The following FOXK1 variants were observed in gnomAD, a reference collection of about 807,000 sequenced individuals.
FOXK1 encodes the protein forkhead box K1.
Under a neutral mutation model 51.9 loss-of-function variants are expected in FOXK1, and 19 were observed. The observed-to-expected ratio is 0.37, with a 90% CI of 0.26 to 0.54. FOXK1 has a LOEUF of 0.54. Ranked by LOEUF, FOXK1 falls within the 20% of genes least tolerant of loss-of-function variation. FOXK1 has a pLI of 0.87. For synonymous variants in FOXK1, 537 were observed against 482.6 expected (o/e 1.11, Z -1.48); for missense variants, 870 against 1,032.7 (o/e 0.84, Z 2.16).
Position 4,748,598 on chromosome 7 carries a change from G to C in FOXK1, c.747-5861G>C, listed in dbSNP as rs1448701080. 6.6e-6 allele frequency among the ~76,000 whole-genome samples: 1 copy of C among 152,206 alleles called. No homozygotes were observed. The highest frequency in any genetic ancestry group is 1.5e-5 in the Non-Finnish European group (1 of 68,038). ...GGGAATCCCCTCAGGAGGTGGTGGT[G>C]GAGAGAGGGCTGTTTCCTGATTCCC... is the stretch of plus-strand genomic sequence containing the variant. On this transcript the variant is annotated intron_variant, in intron 2 of 8. Coordinates refer to ENST00000328914, the MANE Select transcript of FOXK1 (RefSeq NM_001037165.2). The surrounding 1 kb of genome is among the most constrained non-coding windows in gnomAD (Gnocchi z 4.9).
intron 1 of FOXK1, among the ~76,000 whole-genome samples, chr7:4,696,449 G>C (rs997643545): frequency 6.6e-6 from 1 of 152,134 alleles, no homozygotes; most frequent in Non-Finnish European, 1.5e-5. Flanking sequence ...CATGTCTGTC[G>C]TCTACCCGTC....
chr7:4,686,305 C>T (rs1384015709), intron 1 of FOXK1, among the ~76,000 whole-genome samples: 1 of 152,162 alleles, frequency 6.6e-6, no homozygotes, highest in African/African-American at 2.4e-5. Context: ...ACCCTCTTCA[C>T]CTTGGGACAG....
intron 2 of FOXK1, among the ~76,000 whole-genome samples, chr7:4,744,820 C>G (rs1158543220): frequency 6.6e-6 from 1 of 152,260 alleles, no homozygotes; most frequent in African/African-American, 2.4e-5. Context: ...CCGCCCTGTG[C>G]AAAGACCGGA....
At chr7:4,746,589 G>T (rs544203639) in intron 2 of FOXK1, among the ~76,000 whole-genome samples, 7 of 152,328 alleles carry the variant, frequency 4.6e-5, no homozygotes, top group African/African-American at 1.7e-4. Flanking sequence ...TCGGGAGGCT[G>T]AGGCAGGAGG....
Position 4,762,151 on chromosome 7 carries a change from C to A in FOXK1, c.1922-33C>A, listed in dbSNP as rs559428025. 120 of 1,531,794 alleles carry A rather than the reference C, an allele frequency of 7.8e-5. 1 individual carries two copies. The East Asian group carries it at 2.9e-3, about 37-fold the overall frequency. 94.9% of individuals were successfully genotyped at this position (1,531,794 alleles called of 1,614,324 possible). A position where few individuals can be genotyped will look rare whatever the true frequency, so the allele number is the denominator to read the frequency against. Reference sequence around the variant, plus strand: ...AAAAAGCAGCTGGGTCCTAACCAGACCCCAGAGTAACCCTCTTCTTCCTCC... The same window carrying A: ...AAAAAGCAGCTGGGTCCTAACCAGAACCCAGAGTAACCCTCTTCTTCCTCC... On this transcript the variant is annotated intron_variant, in intron 8 of 8. Transcript: ENST00000328914. This position sits in a 1 kb window ranked among gnomAD's most constrained non-coding sequence, Gnocchi z 5.7.
chr7:4,698,641 C>T (rs977241976), intron 1 of FOXK1, among the ~76,000 whole-genome samples: 2 of 152,258 alleles, frequency 1.3e-5, no homozygotes, highest in East Asian at 3.9e-4. Context: ...CAGCCTCGAC[C>T]TCCCAGGCTC....
At position 4,706,368 on chromosome 7, in the gene FOXK1, AG is replaced by A. The variant is rs545264338; in HGVS notation, c.560+23502del. Among the ~76,000 whole-genome samples the A allele has an allele frequency of 8.4e-5, 12 of 143,420 alleles. No individual in the cohort carries two copies. The South Asian group carries it at 2.1e-3, about 25-fold the overall frequency. 94.1% of individuals were successfully genotyped at this position (143,420 alleles called of 152,430 possible). A position where few individuals can be genotyped will look rare whatever the true frequency, so the allele number is the denominator to read the frequency against. On this transcript the variant is annotated intron_variant, in intron 1 of 8. Transcript: ENST00000328914. ...GTAAAGTGCTCTGGCACCCTAAGTTAGGAGTTTATATCTGTGACACTCCTTC... is the reference window on the plus strand; with the variant it reads ...GTAAAGTGCTCTGGCACCCTAAGTTAGAGTTTATATCTGTGACACTCCTTC...
intron 1 of FOXK1, among the ~76,000 whole-genome samples, chr7:4,697,548 G>A (rs1378066966): frequency 6.6e-6 from 1 of 152,212 alleles, no homozygotes; most frequent in Non-Finnish European, 1.5e-5. Flanking sequence ...TGGCCCGTCT[G>A]CACACCCCTG....
intron 1 of FOXK1, among the ~76,000 whole-genome samples, chr7:4,724,864 G>A (rs1388575842): frequency 6.6e-6 from 1 of 152,238 alleles, no homozygotes; most frequent in African/African-American, 2.4e-5. Flanking sequence ...TCCCACGAGG[G>A]CTGTGCCGTA....
At position 4,770,884 on chromosome 7, in the gene FOXK1, T is replaced by A. The variant is rs945095925; in HGVS notation, c.*8420T>A. The A allele has an allele frequency of 5.3e-5, 8 of 151,432 alleles. No homozygotes were observed. The highest frequency in any genetic ancestry group is 2.0e-4 in the African/African-American group (8 of 40,982). The allele number at this position is 151,432 out of a possible 1,614,324, so 9.4% of individuals were successfully genotyped here. A position where few individuals can be genotyped will look rare whatever the true frequency, so the allele number is the denominator to read the frequency against. Reference sequence around the variant, plus strand: ...TGTTCGGTGTGTGTGTGTGTGTGTGTGTGTGTGTGTGTGTGTGTATTTTTT... The same window carrying A: ...TGTTCGGTGTGTGTGTGTGTGTGTGAGTGTGTGTGTGTGTGTGTATTTTTT... On this transcript the variant is annotated 3_prime_UTR_variant, in exon 9 of 9. Transcript: ENST00000328914.
At chr7:4,694,536 G>A (rs1214735130) in intron 1 of FOXK1, among the ~76,000 whole-genome samples, 2 of 152,342 alleles carry the variant, frequency 1.3e-5, no homozygotes, top group East Asian at 1.9e-4. Flanking sequence ...ACCTACAGTT[G>A]TGATAGAGGC....
intron 3 of FOXK1, chr7:4,754,893 C>T (rs540795694): frequency 1.7e-5 from 10 of 580,864 alleles, no homozygotes; most frequent in East Asian, 2.9e-5. Flanking sequence ...GGCAGCCCGG[C>T]GTCAAAGCCT....
Position 4,682,500 on chromosome 7 carries a change from G to C in FOXK1, c.192G>C (p.Ala64=), listed in dbSNP as rs1482582348. ...CGCCACCGCCGCTGCCTCCGGGCGC[G>C]ATCGCGGGCGCGGGCTCCTCCGGGG... The part of the protein sequence containing the change: ...PPPPPPLPPG[A]IAGAGSSGGS... The change falls in exon 1 of 9, where the codon GCG becomes GCC. Residue 64 remains alanine (A), a synonymous_variant. Coordinates refer to ENST00000328914, the MANE Select transcript of FOXK1 (RefSeq NM_001037165.2). The surrounding 1 kb of genome is among the most constrained non-coding windows in gnomAD (Gnocchi z 7.6). 4 of 1,035,038 alleles carry C rather than the reference G, an allele frequency of 3.9e-6. No homozygotes were observed. Among genetic ancestry groups the C allele is most frequent in the Non-Finnish European group, 3.5e-6 (3 of 864,358 alleles). The allele number at this position is 1,035,038 out of a possible 1,614,324, so 64.1% of individuals were successfully genotyped here. A position where few individuals can be genotyped will look rare whatever the true frequency, so the allele number is the denominator to read the frequency against.
chr7:4,723,399 T>A lies in FOXK1; in HGVS notation c.561-17439T>A, dbSNP rs958218943. On this transcript the variant is annotated intron_variant, in intron 1 of 8. Transcript: ENST00000328914. The surrounding 1 kb of genome is among the most constrained non-coding windows in gnomAD (Gnocchi z 4.7). ...TTTTGTTTTCTGTGGGGTTTTTTTT[T>A]TGGACGTTCCCAGCTGACTAAATTT... 6.6e-6 allele frequency among the ~76,000 whole-genome samples: 1 copy of A among 152,080 alleles called. No individual in the cohort carries two copies. The highest frequency in any genetic ancestry group is 6.5e-5 in the Admixed American group (1 of 15,272).
chr7:4,692,346 G>A (rs116015747), intron 1 of FOXK1, among the ~76,000 whole-genome samples: 1,853 of 152,274 alleles, frequency 0.012, 40 homozygotes, highest in African/African-American at 0.043. Context: ...TTCAGATATT[G>A]TGGATGTTCC....
rs1395539855 is a variant in FOXK1, at chr7:4,734,483, C to G, written c.561-6355C>G. The stretch of plus-strand genomic sequence containing the variant: ...TGCTTCCTCCTTGCCCCTCAAACTC[C>G]TTTGCCTCAGTCCCTGTCTTCCTTG... On this transcript the variant is annotated intron_variant, in intron 1 of 8. Transcript: ENST00000328914. The surrounding 1 kb of genome is among the most constrained non-coding windows in gnomAD (Gnocchi z 5.2). Among the ~76,000 whole-genome samples the G allele has an allele frequency of 6.6e-6, 1 of 152,192 alleles. No homozygotes were observed. The highest frequency in any genetic ancestry group is 6.5e-5 in the Admixed American group (1 of 15,284).
chr7:4,754,634 C>T lies in FOXK1; in HGVS notation c.903+19C>T, dbSNP rs770059575. On this transcript the variant is annotated intron_variant, in intron 3 of 8. Coordinates refer to ENST00000328914, the MANE Select transcript of FOXK1 (RefSeq NM_001037165.2). ...CCCCAAGGTCTGAGCCCACCTGGCG[C>T]CGTGGTGCACCTGGTGACCCAGGAT... 16 of 1,596,960 alleles carry T rather than the reference C, an allele frequency of 1.0e-5. No homozygotes were observed. In the East Asian group the frequency reaches 3.4e-4, roughly 33 times the overall value.
chr7:4,707,635 T>A lies in FOXK1; in HGVS notation c.560+24767T>A, dbSNP rs1271857205. Among the ~76,000 whole-genome samples, 1 of 151,906 alleles carries A rather than the reference T, an allele frequency of 6.6e-6. No individual in the cohort carries two copies. The highest frequency in any genetic ancestry group is 1.5e-5 in the Non-Finnish European group (1 of 68,022). On this transcript the variant is annotated intron_variant, in intron 1 of 8. Transcript: ENST00000328914. This position sits in a 1 kb window ranked among gnomAD's most constrained non-coding sequence, Gnocchi z 4.1. ...CACTGGGTCTTTGCAGTTGGCGTGT[T>A]CCCCGGTGCCATTCGTATCTGATTC...
chr7:4,746,702 TAAAA>T (rs1157281133), intron 2 of FOXK1, among the ~76,000 whole-genome samples: 1 of 152,136 alleles, frequency 6.6e-6, no homozygotes, highest in Non-Finnish European at 1.5e-5. Flanking sequence ...AATTAATAAT[TAAAA>T]AACACAAGTT....
Sources: gnomAD v4.1 joint callset for allele counts (sites outside exome capture counted in the v4.1 genomes callset) on GRCh38, gnomAD v4.1.1 for gene constraint, Gnocchi (gnomAD v3.1) non-coding constraint, MANE v1.5 for transcripts, NCBI Gene and HGNC (gene_info 2026-07-23, HGNC 2026-07-21) for gene names.